Variants in ME1 observed in about 807,000 individuals in gnomAD.
The protein encoded by ME1 is malic enzyme 1.
A neutral mutation model predicts 66.4 loss-of-function variants in ME1; 74 were observed. The observed-to-expected ratio is 1.11, with a 90% CI of 0.92 to 1.35. The LOEUF (loss-of-function observed/expected upper bound fraction) is 1.35. ME1 is among the 40% of genes most tolerant of loss of function. The pLI, the probability that ME1 is intolerant of heterozygous loss-of-function variation, is 0.00. For missense variants in ME1, 750 were observed against 694.1 expected (o/e 1.08, Z -0.90); for synonymous variants, 251 against 235.6 (o/e 1.07, Z -0.60).
At chr6:83,265,391 G>C (rs927136873) in intron 6 of ME1, among the ~76,000 whole-genome samples, 24 of 152,036 alleles carry the variant, frequency 1.6e-4, no homozygotes, top group Admixed American at 2.6e-4. Flanking sequence ...CAACATCCCA[G>C]GGTCAAGTAA....
At chr6:83,224,008 A>T (rs766295504) in intron 11 of ME1, 75 bp from the exon 12 acceptor site, 313 of 1,271,072 alleles carry the variant, frequency 2.5e-4, no homozygotes, top group Non-Finnish European at 3.2e-4. Context: ...TAACAGAACT[A>T]CCCCACAGCC....
At chr6:83,368,740 T>C (rs1769143976) in intron 3 of ME1, among the ~76,000 whole-genome samples, 1 of 151,958 alleles carries the variant, frequency 6.6e-6, no homozygotes, top group Non-Finnish European at 1.5e-5. Context: ...AGGCACTGGA[T>C]AAAAATAGGA....
intron 6 of ME1, among the ~76,000 whole-genome samples, chr6:83,311,199 TAG>T (rs1336554515): frequency 6.6e-6 from 1 of 152,076 alleles, no homozygotes. Flanking sequence ...TGGGACATAC[TAG>T]AGTTGATAAA....
intron 3 of ME1, among the ~76,000 whole-genome samples, chr6:83,377,722 T>G (rs925543972): frequency 6.6e-6 from 1 of 152,154 alleles, no homozygotes; most frequent in African/African-American, 2.4e-5. Context: ...AGCCTTCAGA[T>G]TTCCCCAAGA....
intron 7 of ME1, among the ~76,000 whole-genome samples, chr6:83,250,138 C>T (rs570388261): frequency 9.2e-5 from 14 of 151,692 alleles, no homozygotes; most frequent in African/African-American, 2.4e-4. Context: ...TTTCATAGTC[C>T]GTTGGCTCTC....
At chr6:83,294,349 C>CTGAGGTG (rs1459990827) in intron 6 of ME1, among the ~76,000 whole-genome samples, 5 of 152,174 alleles carry the variant, frequency 3.3e-5, no homozygotes, top group African/African-American at 1.2e-4. Flanking sequence ...CTCTGACATT[C>CTGAGGTG]CAACTCTAAG....
intron 6 of ME1, among the ~76,000 whole-genome samples, chr6:83,281,632 C>T (rs1344996123): frequency 6.6e-6 from 1 of 151,234 alleles, no homozygotes; most frequent in Non-Finnish European, 1.5e-5. Context: ...ATGGTGAAAC[C>T]CCATCTCTAC....
intron 5 of ME1, among the ~76,000 whole-genome samples, chr6:83,342,549 T>C (rs1562485541): frequency 6.6e-6 from 1 of 152,242 alleles, no homozygotes; most frequent in African/African-American, 2.4e-5. Flanking sequence ...ATAGCAGATA[T>C]TCAATACTTT....
chr6:83,407,937 A>G, intron 1 of ME1, 36 bp from the exon 2 acceptor site: 1 of 1,535,554 alleles, frequency 6.5e-7, no homozygotes, highest in Non-Finnish European at 8.7e-7. Context: ...ACACAACAGT[A>G]TTTGAGAGGA....
chr6:83,353,944 C>T (rs1385838722), intron 3 of ME1, among the ~76,000 whole-genome samples: 1 of 152,132 alleles, frequency 6.6e-6, no homozygotes, highest in Non-Finnish European at 1.5e-5. Context: ...TTTTGTGAAA[C>T]ACTTTCTTTT....
intron 9 of ME1, among the ~76,000 whole-genome samples, chr6:83,235,044 C>T (rs1172403268): frequency 6.6e-6 from 1 of 152,162 alleles, no homozygotes; most frequent in Non-Finnish European, 1.5e-5. Flanking sequence ...AACTTGCCAT[C>T]ATATTTCCTT....
intron 3 of ME1, chr6:83,393,268 A>C (rs1769660623): frequency 1.7e-6 from 2 of 1,173,182 alleles, no homozygotes; most frequent in Admixed American, 1.7e-5. Context: ...TTCAACAGAC[A>C]CCCACTCTTC....
chr6:83,230,930 C>CA (rs1311027301), intron 9 of ME1, among the ~76,000 whole-genome samples: 3 of 150,844 alleles, frequency 2.0e-5, no homozygotes, highest in Non-Finnish European at 4.4e-5. Context: ...GACTCTGTCT[C>CA]AAAAAAATAA....
intron 5 of ME1, among the ~76,000 whole-genome samples, chr6:83,317,755 C>T (rs1449537782): frequency 2.0e-5 from 3 of 152,042 alleles, no homozygotes; most frequent in South Asian, 2.1e-4. Context: ...CAATGCCATC[C>T]CCATCAAGCT....
At chr6:83,266,177 A>C (rs538697852) in intron 6 of ME1, among the ~76,000 whole-genome samples, 145 of 152,352 alleles carry the variant, frequency 9.5e-4, no homozygotes, top group Non-Finnish European at 1.6e-3. Flanking sequence ...TAAAAAAATC[A>C]AACTATTTTA....
At chr6:83,394,066 A>ATT (rs1769683735) in intron 3 of ME1, among the ~76,000 whole-genome samples, 1 of 151,864 alleles carries the variant, frequency 6.6e-6, no homozygotes, top group Non-Finnish European at 1.5e-5. Flanking sequence ...TTCAATAATG[A>ATT]ATATATAATT....
chr6:83,417,299 TC>T (rs1343816045), intron 1 of ME1, among the ~76,000 whole-genome samples: 10 of 152,142 alleles, frequency 6.6e-5, no homozygotes, highest in African/African-American at 2.4e-4. Context: ...GCAGTCTTCC[TC>T]CCTTGGCCTC....
intron 13 of ME1, among the ~76,000 whole-genome samples, chr6:83,214,936 G>A (rs182594816): frequency 6.6e-6 from 1 of 152,044 alleles, no homozygotes; most frequent in Non-Finnish European, 1.5e-5. Context: ...CTCCCCTGCT[G>A]TCCCCTGCTT....
chr6:83,370,172 T>G (rs1056372016), intron 3 of ME1, among the ~76,000 whole-genome samples: 1 of 152,316 alleles, frequency 6.6e-6, no homozygotes, highest in South Asian at 2.1e-4. Flanking sequence ...GTTCATACTT[T>G]TCTGTGACAT....
Sources: gnomAD v4.1 joint callset for allele counts (sites outside exome capture counted in the v4.1 genomes callset) on GRCh38, gnomAD v4.1.1 for gene constraint, MANE v1.5 for transcripts, NCBI Gene and HGNC (gene_info 2026-07-23, HGNC 2026-07-21) for gene names.